The following SLC38A9 variants were observed in gnomAD, a reference collection of about 807,000 sequenced individuals.
SLC38A9 encodes the protein neutral amino acid transporter 9.
SLC38A9 carries 48 observed loss-of-function variants against 62.3 expected under a neutral mutation model. The ratio of observed to expected loss-of-function variants is 0.77; its 90% confidence interval spans 0.61 to 0.98. The LOEUF (loss-of-function observed/expected upper bound fraction) is 0.98, where lower values mean the gene tolerates loss of function less well. Among genes scored for constraint, SLC38A9 ranks in the 50% least tolerant of loss-of-function variants. The pLI is 0.00. For missense variants in SLC38A9, 541 were observed against 679.8 expected, an observed-to-expected ratio of 0.80 and a Z score of 2.27; for synonymous variants, 204 against 227.7, an observed-to-expected ratio of 0.90 and a Z score of 0.94.
At chr5:55,700,795 A>G (rs1756541353) in intron 2 of SLC38A9, among the ~76,000 whole-genome samples, 1 of 152,212 alleles carries the variant, frequency 6.6e-6, no homozygotes, top group Admixed American at 6.5e-5. Context: ...ATATTTGCCA[A>G]AAGAATCACT....
intron 14 of SLC38A9, 68 bp from the exon 15 acceptor site, chr5:55,628,048 A>G (rs1179805087): frequency 3.2e-6 from 3 of 931,376 alleles, no homozygotes; most frequent in African/African-American, 1.7e-5. Flanking sequence ...AACCACTAAT[A>G]TGAGACTACA....
intron 11 of SLC38A9, among the ~76,000 whole-genome samples, chr5:55,646,235 G>C (rs989830262): frequency 6.6e-6 from 1 of 152,192 alleles, no homozygotes; most frequent in African/African-American, 2.4e-5. Flanking sequence ...AATTAGCGTG[G>C]TGGTGGAAGC....
Position 55,626,391 on chromosome 5 carries a change from A to G in SLC38A9, c.*103T>C, listed in dbSNP as rs1363220293. 3 of 1,038,886 alleles carry G rather than the reference A, an allele frequency of 2.9e-6. No individual in the cohort carries two copies. In the African/African-American group the frequency reaches 4.8e-5, roughly 17 times the overall value. The allele number at this position is 1,038,886 out of a possible 1,614,324, so 64.4% of individuals were successfully genotyped here. A position where few individuals can be genotyped will look rare whatever the true frequency, so the allele number is the denominator to read the frequency against. ...TTGCTTTCAAATTATCTTAGAAAAT[A>G]TTTAGAATTACACAACAGCAGCATT... is the stretch of plus-strand genomic sequence containing the variant. On this transcript the variant is annotated 3_prime_UTR_variant, in exon 16 of 16. Transcript: ENST00000396865.
chr5:55,678,145 T>TTTTG (rs1472039622), intron 3 of SLC38A9, among the ~76,000 whole-genome samples: 11 of 146,872 alleles, frequency 7.5e-5, no homozygotes, highest in African/African-American at 2.7e-4. Flanking sequence ...CTGGTTTTTT[T>TTTTG]TTCTTTTTTT....
At chr5:55,664,338 A>G (rs770876813) in intron 8 of SLC38A9, among the ~76,000 whole-genome samples, 1 of 152,128 alleles carries the variant, frequency 6.6e-6, no homozygotes, top group Non-Finnish European at 1.5e-5. Context: ...TCCTAATCTT[A>G]TATCCTAACA....
intron 4 of SLC38A9, among the ~76,000 whole-genome samples, 165 bp downstream of exon 4, chr5:55,672,398 G>C (rs888229709): frequency 2.4e-4 from 36 of 152,168 alleles, no homozygotes; most frequent in Non-Finnish European, 5.0e-4. Flanking sequence ...GAATGAACTG[G>C]CCTGAGATGT....
chr5:55,645,170 G>A (rs1561324208), intron 12 of SLC38A9, among the ~76,000 whole-genome samples: 1 of 152,048 alleles, frequency 6.6e-6, no homozygotes, highest in Non-Finnish European at 1.5e-5. Context: ...AAGCAATCCT[G>A]CTGCCTCAGC....
chr5:55,641,396 G>A lies in SLC38A9; in HGVS notation c.1167+4393C>T, dbSNP rs1745427496. 2.0e-5 allele frequency among the ~76,000 whole-genome samples: 3 copies of A among 152,172 alleles called. No individual in the cohort carries two copies. In the East Asian group the frequency reaches 5.8e-4, roughly 29 times the overall value. On this transcript the variant is annotated intron_variant, in intron 12 of 15. Transcript: ENST00000396865. ...AGACATCTCTGAGAATTCGATTAATGTGAAGTTTTCTGACAATGTCAATTC... is the reference window on the plus strand; with the variant it reads ...AGACATCTCTGAGAATTCGATTAATATGAAGTTTTCTGACAATGTCAATTC...
intron 8 of SLC38A9, 74 bp from the exon 9 acceptor site, chr5:55,656,848 A>G: frequency 3.0e-6 from 2 of 669,346 alleles, no homozygotes; most frequent in Non-Finnish European, 2.3e-6. Flanking sequence ...AAGGTCTTTT[A>G]TTTATAAAAA....
intron 12 of SLC38A9, among the ~76,000 whole-genome samples, chr5:55,641,737 T>C (rs755104476): frequency 2.2e-4 from 33 of 152,232 alleles, no homozygotes; most frequent in Non-Finnish European, 3.1e-4. Flanking sequence ...CTTTGCAGAC[T>C]GTACAGTGAA....
intron 7 of SLC38A9, among the ~76,000 whole-genome samples, chr5:55,665,546 CA>C (rs112929342): frequency 1.6e-3 from 146 of 91,410 alleles, no homozygotes; most frequent in Middle Eastern, 6.8e-3. Context: ...GACTCCATCT[CA>C]AAAAAAAAAA....
intron 3 of SLC38A9, among the ~76,000 whole-genome samples, chr5:55,697,378 TCTTA>T (rs776211756): frequency 4.6e-5 from 7 of 152,348 alleles, no homozygotes; most frequent in Non-Finnish European, 7.3e-5. Context: ...TATTGAATTC[TCTTA>T]CTGTTTATAA....
At chr5:55,660,139 G>A (rs1384916625) in intron 8 of SLC38A9, among the ~76,000 whole-genome samples, 2 of 151,506 alleles carry the variant, frequency 1.3e-5, no homozygotes, top group Non-Finnish European at 2.9e-5. Context: ...GGCAGGGCAC[G>A]GTGGGTCACG....
chr5:55,694,429 A>T (rs1006886896), intron 3 of SLC38A9, among the ~76,000 whole-genome samples: 6 of 152,056 alleles, frequency 3.9e-5, no homozygotes, highest in Non-Finnish European at 8.8e-5. Flanking sequence ...GTGACCTGGA[A>T]GAAAATCTTT....
chr5:55,697,812 T>TA, intron 3 of SLC38A9, 34 bp downstream of exon 3: 1 of 1,124,324 alleles, frequency 8.9e-7, no homozygotes, highest in Non-Finnish European at 1.3e-6. Flanking sequence ...TTAAAGACCC[T>TA]AATTATGAAA....
chr5:55,646,428 A>G (rs1432100916), intron 11 of SLC38A9, among the ~76,000 whole-genome samples: 3 of 152,138 alleles, frequency 2.0e-5, no homozygotes, highest in African/African-American at 7.2e-5. Flanking sequence ...ATTTGAGGTC[A>G]TACAACTGGT....
At chr5:55,688,485 T>C (rs1383588904) in intron 3 of SLC38A9, among the ~76,000 whole-genome samples, 2 of 147,794 alleles carry the variant, frequency 1.4e-5, no homozygotes, top group South Asian at 2.2e-4. Flanking sequence ...GTTCACACCA[T>C]TCTCCTGCCT....
At chr5:55,698,883 G>A (rs1255157682) in intron 2 of SLC38A9, among the ~76,000 whole-genome samples, 1 of 152,110 alleles carries the variant, frequency 6.6e-6, no homozygotes, top group Non-Finnish European at 1.5e-5. Flanking sequence ...GCTACAGTGA[G>A]CTATGATTGC....
intron 2 of SLC38A9, among the ~76,000 whole-genome samples, chr5:55,702,045 A>G (rs1756725857): frequency 6.6e-6 from 1 of 152,160 alleles, no homozygotes; most frequent in Non-Finnish European, 1.5e-5. Flanking sequence ...TAACGGACTC[A>G]TATGTCCACT....
Sources: allele counts gnomAD v4.1 joint callset (sites outside exome capture counted in the v4.1 genomes callset), GRCh38; gene constraint gnomAD v4.1.1; transcripts MANE v1.5; gene names NCBI Gene and HGNC (gene_info 2026-07-23, HGNC 2026-07-21).